The following MIPEP variants were observed in gnomAD, a reference collection of about 807,000 sequenced individuals.
The protein encoded by MIPEP is mitochondrial intermediate peptidase.
Under a neutral mutation model 90.3 loss-of-function variants are expected in MIPEP, and 79 were observed. That is an observed-to-expected ratio of 0.87 (90% CI 0.73 to 1.05). MIPEP has a LOEUF of 1.05. Among genes scored for constraint, MIPEP ranks in the 50% least tolerant of loss-of-function variants. The probability of loss-of-function intolerance (pLI) is 0.00; values close to 1 mark genes in which losing one functional copy is unlikely to be tolerated. For synonymous variants in MIPEP, 334 were observed against 315.8 expected (o/e 1.06, Z -0.61); for missense variants, 940 against 905.6 (o/e 1.04, Z -0.49).
intron 16 of MIPEP, among the ~76,000 whole-genome samples, chr13:23,780,004 C>A (rs957067014): frequency 6.6e-6 from 1 of 152,198 alleles, no homozygotes; most frequent in Admixed American, 6.5e-5. Context: ...AGGAGGCCTG[C>A]CTCAGTAGAC....
intron 14 of MIPEP, among the ~76,000 whole-genome samples, chr13:23,831,392 GATGT>G (rs1868753452): frequency 7.0e-6 from 1 of 142,474 alleles, no homozygotes; most frequent in African/African-American, 2.6e-5. Context: ...GCGGGGGGGG[GATGT>G]GGATGGGAAT....
chr13:23,774,677 C>T (rs1441286062), intron 16 of MIPEP, among the ~76,000 whole-genome samples: 9 of 148,512 alleles, frequency 6.1e-5, no homozygotes, highest in Non-Finnish European at 1.2e-4. Context: ...GTAAATAGAA[C>T]GGTCTTCTTA....
chr13:23,733,998 G>A (rs1030962552), intron 18 of MIPEP, among the ~76,000 whole-genome samples: 4 of 152,226 alleles, frequency 2.6e-5, no homozygotes, highest in Admixed American at 2.0e-4. Flanking sequence ...GGTATGTGAT[G>A]ATGGCTAAAG....
intron 14 of MIPEP, among the ~76,000 whole-genome samples, chr13:23,818,475 A>G (rs1953268555): frequency 6.7e-6 from 1 of 149,702 alleles, no homozygotes; most frequent in South Asian, 2.1e-4. Flanking sequence ...TAAACTTAAC[A>G]GAGTTAAACA....
At chr13:23,848,351 C>T (rs1397205514) in intron 10 of MIPEP, among the ~76,000 whole-genome samples, 6 of 152,190 alleles carry the variant, frequency 3.9e-5, no homozygotes, top group African/African-American at 1.4e-4. Flanking sequence ...CTTCTATTCC[C>T]CAAAGCTGAC....
intron 16 of MIPEP, among the ~76,000 whole-genome samples, chr13:23,794,430 G>A (rs529718593): frequency 2.0e-5 from 3 of 152,288 alleles, no homozygotes; most frequent in South Asian, 4.1e-4. Flanking sequence ...AAGGCATAAA[G>A]GTAAAGAGGC....
intron 18 of MIPEP, among the ~76,000 whole-genome samples, chr13:23,753,925 C>T (rs1952466198): frequency 6.6e-6 from 1 of 152,048 alleles, no homozygotes; most frequent in South Asian, 2.1e-4. Context: ...CCCTAAGAAA[C>T]ACAGTCTTAT....
At chr13:23,784,996 C>CCT (rs1952822372) in intron 16 of MIPEP, among the ~76,000 whole-genome samples, 1 of 152,158 alleles carries the variant, frequency 6.6e-6, no homozygotes, top group Non-Finnish European at 1.5e-5. Context: ...ACAACAGATG[C>CCT]TGGAGAGGAT....
At chr13:23,735,090 G>C (rs1235614795) in intron 18 of MIPEP, among the ~76,000 whole-genome samples, 2 of 152,056 alleles carry the variant, frequency 1.3e-5, no homozygotes, top group African/African-American at 2.4e-5. Flanking sequence ...ATGGTGCCCT[G>C]CATTTGCATA....
At position 23,777,679 on chromosome 13, in the gene MIPEP, A is replaced by C. The variant is rs190346189; in HGVS notation, c.1849-17462T>G. ...TGTGAATTCCAAGGATTAGTCCAATAGACTAGTTTGAGATTGACTCCACTG... is the reference window on the plus strand; with the variant it reads ...TGTGAATTCCAAGGATTAGTCCAATCGACTAGTTTGAGATTGACTCCACTG... On this transcript the variant is annotated intron_variant, in intron 16 of 18. Transcript: ENST00000382172. Among the ~76,000 whole-genome samples the C allele has an allele frequency of 7.6e-4, 116 of 152,298 alleles. 1 individual carries two copies. Among genetic ancestry groups the C allele is most frequent in the African/African-American group, 2.7e-3 (113 of 41,570 alleles).
intron 16 of MIPEP, among the ~76,000 whole-genome samples, chr13:23,796,575 G>C (rs906249335): frequency 2.1e-5 from 3 of 144,338 alleles, no homozygotes; most frequent in Non-Finnish European, 4.5e-5. Flanking sequence ...CTTCTTTTTG[G>C]GACTACTAAA....
rs1953101901 is a variant in MIPEP, at chr13:23,805,963, T to C, written c.1835A>G (p.Tyr612Cys). The C allele has an allele frequency of 6.2e-7, 1 of 1,613,984 alleles. No homozygotes were observed. The highest frequency in any genetic ancestry group is 8.5e-7 in the Non-Finnish European group (1 of 1,179,912). The change falls in exon 16 of 19, where the codon TAT (tyrosine) becomes TGT (cysteine). Residue 612 changes from tyrosine to cysteine, a missense_variant. By Grantham distance (194) the Tyr-to-Cys change is radical. Transcript: ENST00000382172. ...ETQEKFYGLP[Y>C]VPNTAWQLRF... ...TGCTGGACTCACAGTATTTGGAACATATGGTAGGCCATAGAATTTCTCTTG... is the reference window on the plus strand; with the variant it reads ...TGCTGGACTCACAGTATTTGGAACACATGGTAGGCCATAGAATTTCTCTTG...
At chr13:23,808,252 C>T (rs56156193) in intron 15 of MIPEP, among the ~76,000 whole-genome samples, 3 of 152,164 alleles carry the variant, frequency 2.0e-5, no homozygotes, top group Admixed American at 6.5e-5. Context: ...GCGCCTGCCA[C>T]CACGCCTGGC....
intron 7 of MIPEP, among the ~76,000 whole-genome samples, chr13:23,867,585 A>G (rs2137512587): frequency 6.6e-6 from 1 of 152,350 alleles, no homozygotes; most frequent in South Asian, 2.1e-4. Flanking sequence ...CCAAGAATGT[A>G]AACTGCATAA....
chr13:23,823,665 C>CA (rs1324871837), intron 14 of MIPEP, among the ~76,000 whole-genome samples: 8 of 152,206 alleles, frequency 5.3e-5, no homozygotes, highest in African/African-American at 1.9e-4. Flanking sequence ...ACCATCTCTA[C>CA]AAAAAAATTT....
rs557359701 is a variant in MIPEP, at chr13:23,866,146, A to G, written c.944-1957T>C. The stretch of plus-strand genomic sequence containing the variant: ...CTGAGGACTCACTCCATCACTGTGC[A>G]TGACAGTTTCATTTCCCTCAGGGCG... On this transcript the variant is annotated intron_variant, in intron 7 of 18. Coordinates refer to ENST00000382172, the MANE Select transcript of MIPEP (RefSeq NM_005932.4). Among the ~76,000 whole-genome samples, 4 of 152,226 alleles carry G rather than the reference A, an allele frequency of 2.6e-5. No individual in the cohort carries two copies. In the South Asian group the frequency reaches 8.3e-4, roughly 32 times the overall value.
At chr13:23,755,722 CA>C (rs1952484491) in intron 18 of MIPEP, among the ~76,000 whole-genome samples, 1 of 151,710 alleles carries the variant, frequency 6.6e-6, no homozygotes. Context: ...ATTAAATTTT[CA>C]GTAAAAATAC....
chr13:23,782,459 T>C (rs1332307472), intron 16 of MIPEP, among the ~76,000 whole-genome samples: 5 of 152,114 alleles, frequency 3.3e-5, no homozygotes, highest in Admixed American at 2.6e-4. Context: ...TAAAGCAGTG[T>C]GTAGAGGGAA....
intron 7 of MIPEP, 37 bp downstream of exon 7, chr13:23,869,255 C>A: frequency 1.3e-6 from 2 of 1,520,308 alleles, no homozygotes; most frequent in Non-Finnish European, 8.8e-7. Context: ...TCATAAAAAT[C>A]CTATTTTGCC....
Sources: gnomAD v4.1 joint callset for allele counts (sites outside exome capture counted in the v4.1 genomes callset) on GRCh38, gnomAD v4.1.1 for gene constraint, MANE v1.5 for transcripts, NCBI Gene and HGNC (gene_info 2026-07-23, HGNC 2026-07-21) for gene names.